COLEC10: variants seen among roughly 807,000 people sequenced by gnomAD.
COLEC10 encodes the protein collectin subfamily member 10.
In COLEC10, 22 loss-of-function variants were observed where a neutral mutation model predicts 28.4. The ratio of observed to expected loss-of-function variants is 0.78; its 90% CI spans 0.55 to 1.11. The LOEUF (loss-of-function observed/expected upper bound fraction) is 1.11. Ranked by LOEUF, COLEC10 falls within the 50% of genes least tolerant of loss-of-function variation. The probability of loss-of-function intolerance (pLI) is 0.00; values close to 1 mark genes in which losing one functional copy is unlikely to be tolerated. For synonymous variants in COLEC10, 125 were observed against 116.1 expected (o/e 1.08, Z -0.49); for missense variants, 361 against 344.1 (o/e 1.05, Z -0.39).
intron 2 of COLEC10, among the ~76,000 whole-genome samples, chr8:119,015,604 G>C (rs1813977194): frequency 6.6e-6 from 1 of 152,092 alleles, no homozygotes; most frequent in Admixed American, 6.6e-5. Flanking sequence ...TGGAGTTTTT[G>C]ACCTTCAAAC....
chr8:119,087,659 A>G (rs986579470), intron 1 of COLEC10, among the ~76,000 whole-genome samples: 2 of 152,088 alleles, frequency 1.3e-5, no homozygotes, highest in African/African-American at 4.8e-5. Flanking sequence ...AACAAAAACT[A>G]TATTTCTTTC....
intron 2 of COLEC10, among the ~76,000 whole-genome samples, chr8:119,056,973 T>C (rs1414686460): frequency 1.3e-5 from 2 of 152,046 alleles, no homozygotes; most frequent in Non-Finnish European, 2.9e-5. Flanking sequence ...AAATGTGCTA[T>C]TCTGTCTATA....
At chr8:119,048,328 C>CT (rs757069490) in intron 2 of COLEC10, among the ~76,000 whole-genome samples, 2 of 152,158 alleles carry the variant, frequency 1.3e-5, no homozygotes, top group Non-Finnish European at 2.9e-5. Flanking sequence ...TAATTTTATT[C>CT]TTTTTTACAG....
chr8:119,005,962 C>T (rs1291090980), intron 1 of COLEC10, among the ~76,000 whole-genome samples: 1 of 152,070 alleles, frequency 6.6e-6, no homozygotes, highest in Non-Finnish European at 1.5e-5. Context: ...ATTTTCCCCA[C>T]CATTCTCATT....
At chr8:118,988,685 TATA>T in the COLEC10 span, among the ~76,000 whole-genome samples, 3 of 152,268 alleles carry the variant, frequency 2.0e-5, no homozygotes, top group East Asian at 5.8e-4. Context: ...CACTGACAAG[TATA>T]ATAACAGTGG....
At chr8:118,978,474 A>T in the COLEC10 span, among the ~76,000 whole-genome samples, 1 of 152,242 alleles carries the variant, frequency 6.6e-6, no homozygotes, top group East Asian at 1.9e-4. Flanking sequence ...TTGAATGCTT[A>T]TCCAATAAAT....
At chr8:118,979,037 A>C in the COLEC10 span, among the ~76,000 whole-genome samples, 2 of 152,214 alleles carry the variant, frequency 1.3e-5, no homozygotes, top group African/African-American at 4.8e-5. Context: ...TGCCTTTGTT[A>C]AAGTAATTTA....
At chr8:119,092,129 G>A (rs559245028) in intron 3 of COLEC10, among the ~76,000 whole-genome samples, 8 of 149,608 alleles carry the variant, frequency 5.3e-5, no homozygotes, top group Admixed American at 1.3e-4. Flanking sequence ...GAGTGCAGTG[G>A]TGGGATCTCG....
chr8:119,099,685 A>G (rs1472197530), intron 3 of COLEC10, among the ~76,000 whole-genome samples: 1 of 152,188 alleles, frequency 6.6e-6, no homozygotes, highest in Non-Finnish European at 1.5e-5. Flanking sequence ...TCAGAAAAAA[A>G]GACCACATAG....
At chr8:119,011,636 C>T (rs762446518) in intron 2 of COLEC10, among the ~76,000 whole-genome samples, 27 of 150,934 alleles carry the variant, frequency 1.8e-4, no homozygotes, top group Non-Finnish European at 7.4e-5. Context: ...ATTTCTTTCA[C>T]AAGAGTTTTG....
At chr8:119,026,910 T>G (rs1220730883) in intron 2 of COLEC10, among the ~76,000 whole-genome samples, 1 of 152,122 alleles carries the variant, frequency 6.6e-6, no homozygotes, top group Non-Finnish European at 1.5e-5. Flanking sequence ...GAGCATGACT[T>G]TGGGCAATGT....
At chr8:119,053,485 G>A (rs1270749062) in intron 2 of COLEC10, among the ~76,000 whole-genome samples, 1 of 151,614 alleles carries the variant, frequency 6.6e-6, no homozygotes, top group African/African-American at 2.4e-5. Flanking sequence ...AACATACACA[G>A]TGTGAAGGAT....
At chr8:119,080,273 C>G (rs1450530921) in intron 1 of COLEC10, among the ~76,000 whole-genome samples, 1 of 152,146 alleles carries the variant, frequency 6.6e-6, no homozygotes, top group African/African-American at 2.4e-5. Flanking sequence ...CACAACACAG[C>G]TTGGTAGCTA....
rs148434952 is a variant in COLEC10 at position 119,106,182 on chromosome 8, G to T, written c.825G>T (p.Lys275Asn). ...TMYFVCEFIK[K>N]KK ...ACTTTGTCTGTGAGTTCATCAAGAA[G>T]AAAAAGTAACTTCCCTCATCCTACG... is the stretch of plus-strand genomic sequence containing the variant. Residue 275 changes from lysine (K) to asparagine (N), a missense_variant, in exon 6 of 6, where the codon AAG becomes AAT. By Grantham distance (94) the Lys-to-Asn change is moderately conservative (BLOSUM62 0). Transcript: ENST00000332843. 28 of 1,594,390 alleles carry T rather than the reference G, an allele frequency of 1.8e-5. No homozygotes were observed. Among genetic ancestry groups the T allele is most frequent in the Non-Finnish European group, 2.3e-5 (27 of 1,166,356 alleles).
At position 119,106,254 on chromosome 8, in the gene COLEC10, C is replaced by A. The variant is rs1815940959; in HGVS notation, c.*63C>A. 1.3e-5 allele frequency: 19 copies of A among 1,486,930 alleles called. No individual in the cohort carries two copies. The highest frequency in any genetic ancestry group is 1.6e-5 in the Non-Finnish European group (18 of 1,105,884). The allele number at this position is 1,486,930 out of a possible 1,614,324, so 92.1% of individuals were successfully genotyped here. A position where few individuals can be genotyped will look rare whatever the true frequency, so the allele number is the denominator to read the frequency against. ...CGTCATTACAGTTATTGTTATCCAT[C>A]CTTTTTTTCCTGATTGTACTACATT... is the stretch of plus-strand genomic sequence containing the variant. On this transcript the variant is annotated 3_prime_UTR_variant, in exon 6 of 6. Coordinates refer to ENST00000332843, the MANE Select transcript of COLEC10 (RefSeq NM_006438.5).
rs1044919988 is a variant in COLEC10, at chr8:119,026,612, C to T, written n.235+17059C>T. On this transcript the variant is annotated intron_variant and non_coding_transcript_variant, in intron 2 of 6. Coordinates refer to the COLEC10 transcript ENST00000521788. ...ATGGTAGCTCTGCCATTTGGTGGCTCTTAAGGATGGGATTCTCAGAGAACA... is the reference window on the plus strand; with the variant it reads ...ATGGTAGCTCTGCCATTTGGTGGCTTTTAAGGATGGGATTCTCAGAGAACA... Among the ~76,000 whole-genome samples the T allele has an allele frequency of 2.0e-5, 3 of 152,046 alleles. No homozygotes were observed. The East Asian group carries it at 5.8e-4, about 29-fold the overall frequency.
At chr8:119,030,273 T>C (rs756939600) in intron 2 of COLEC10, among the ~76,000 whole-genome samples, 1 of 152,240 alleles carries the variant, frequency 6.6e-6, no homozygotes, top group Non-Finnish European at 1.5e-5. Flanking sequence ...AAGCCATAGA[T>C]AATTTTCAAT....
intron 1 of COLEC10, among the ~76,000 whole-genome samples, chr8:119,078,718 G>A (rs182194400): frequency 6.6e-6 from 1 of 152,178 alleles, no homozygotes; most frequent in Admixed American, 6.5e-5. Context: ...TTATCAAAGA[G>A]GATACTACAG....
the COLEC10 span, among the ~76,000 whole-genome samples, chr8:118,962,397 T>C: frequency 6.6e-6 from 1 of 152,218 alleles, no homozygotes; most frequent in Non-Finnish European, 1.5e-5. Context: ...ACATTCCCTT[T>C]ACCTGAAAGG....
Sources: allele counts gnomAD v4.1 joint callset (sites outside exome capture counted in the v4.1 genomes callset), GRCh38; gene constraint gnomAD v4.1.1; transcripts MANE v1.5; gene names NCBI Gene and HGNC (gene_info 2026-07-23, HGNC 2026-07-21).